The following SCN11A variants were observed in gnomAD, a reference collection of about 807,000 sequenced individuals.
SCN11A encodes sodium channel protein type 11 subunit alpha.
In SCN11A, 122 loss-of-function variants were observed where a neutral mutation model predicts 162.2. The ratio of observed to expected loss-of-function variants is 0.75; its 90% CI spans 0.65 to 0.87. The LOEUF (loss-of-function observed/expected upper bound fraction) is 0.87. Among genes scored for constraint, SCN11A ranks in the 40% least tolerant of loss-of-function variants. The pLI is 0.00. For missense variants in SCN11A, 2,015 were observed against 2,181.6 expected (o/e 0.92, Z 1.52); for synonymous variants, 758 against 751.5 (o/e 1.01, Z -0.14).
rs374632143 is a variant in SCN11A, at chr3:38,886,220, C to T, written c.2854G>A (p.Glu952Lys). ...CTCTGGCTCGTGGGCTTCTTGTTCTCCTGATGGAGCTCATAGGCCTAACAC... is the reference window on the plus strand; with the variant it reads ...CTCTGGCTCGTGGGCTTCTTGTTCTTCTGATGGAGCTCATAGGCCTAACAC... The part of the protein sequence containing the change: ...PEQQAYELHQ[E>K]NKKPTSQRVQ... Residue 952 changes from glutamate (E) to lysine (K), a missense_variant, in exon 20 of 30, where the codon GAG (glutamate) becomes AAG (lysine). Coordinates refer to ENST00000302328, the MANE Select transcript of SCN11A (RefSeq NM_001349253.2). The T allele has an allele frequency of 2.5e-6, 4 of 1,612,166 alleles. No homozygotes were observed. The highest frequency in any genetic ancestry group is 2.0e-4 in the Middle Eastern group (1 of 5,090).
intron 3 of SCN11A, among the ~76,000 whole-genome samples, chr3:38,954,101 G>C (rs1259995321): frequency 6.6e-6 from 1 of 152,190 alleles, no homozygotes; most frequent in Non-Finnish European, 1.5e-5. Context: ...CCATATGTCA[G>C]CTGAAACTGA....
chr3:38,861,091 CCAA>C (rs1402119779), intron 28 of SCN11A, among the ~76,000 whole-genome samples: 2 of 152,000 alleles, frequency 1.3e-5, no homozygotes, highest in African/African-American at 4.8e-5. Flanking sequence ...CTGCTATACA[CCAA>C]CAACAACCAA....
intron 22 of SCN11A, among the ~76,000 whole-genome samples, chr3:38,882,343 G>A (rs921893928): frequency 2.6e-5 from 4 of 152,108 alleles, no homozygotes; most frequent in Admixed American, 6.5e-5. Context: ...ACTGTGAAAT[G>A]TTCTGTCACT....
intron 10 of SCN11A, among the ~76,000 whole-genome samples, chr3:38,920,470 A>C (rs1297647289): frequency 6.6e-6 from 1 of 152,168 alleles, no homozygotes; most frequent in Non-Finnish European, 1.5e-5. Context: ...AGGTGGGCAG[A>C]TCACGAGGTC....
intron 21 of SCN11A, among the ~76,000 whole-genome samples, chr3:38,885,067 T>C (rs2065372322): frequency 6.6e-6 from 1 of 152,204 alleles, no homozygotes; most frequent in Non-Finnish European, 1.5e-5. Flanking sequence ...TTACCTGGCA[T>C]TTTGGGCCAT....
intron 1 of SCN11A, among the ~76,000 whole-genome samples, chr3:39,041,454 AG>A (rs549271563): frequency 7.8e-4 from 119 of 152,334 alleles, no homozygotes; most frequent in African/African-American, 2.8e-3. Context: ...TAAAACAGCA[AG>A]AAAAAAATGT....
chr3:38,855,279 G>C (rs539755142), intron 28 of SCN11A, among the ~76,000 whole-genome samples: 2 of 152,260 alleles, frequency 1.3e-5, no homozygotes, highest in African/African-American at 4.8e-5. Context: ...GATCTATACT[G>C]CACAGCAGAG....
intron 2 of SCN11A, among the ~76,000 whole-genome samples, chr3:39,023,236 T>C (rs2031500075): frequency 6.6e-6 from 1 of 152,186 alleles, no homozygotes; most frequent in Admixed American, 6.5e-5. Context: ...TGGTGGACCA[T>C]GTGGGCTCAT....
At chr3:38,978,316 T>C (rs2066861530) in intron 2 of SCN11A, among the ~76,000 whole-genome samples, 1 of 152,236 alleles carries the variant, frequency 6.6e-6, no homozygotes, top group African/African-American at 2.4e-5. Context: ...ATATATTCTT[T>C]TTAAAATCTG....
Position 38,899,908 on chromosome 3 carries a change from G to A in SCN11A, c.2008C>T (p.Arg670Cys), listed in dbSNP as rs760681852. 1.2e-5 allele frequency: 20 copies of A among 1,613,446 alleles called. No homozygotes were observed. Among genetic ancestry groups the A allele is most frequent in the East Asian group, 6.7e-5 (3 of 44,878 alleles). The change falls in exon 17 of 30, where the codon CGT becomes TGT. Residue 670 changes from arginine to cysteine, a missense_variant. Physicochemically the swap from Arg to Cys is radical, Grantham distance 180. Coordinates refer to ENST00000302328, the MANE Select transcript of SCN11A (RefSeq NM_001349253.2). ...VLQKRSWPFLRSFRVLRVFKL... is the reference protein window; with the variant it reads ...VLQKRSWPFLCSFRVLRVFKL... ...AAGTGCCTTACCACTCTGAAGGAACGCAAGAATGGCCAGCTTCTCTTTTGA... is the reference window on the plus strand; with the variant it reads ...AAGTGCCTTACCACTCTGAAGGAACACAAGAATGGCCAGCTTCTCTTTTGA...
chr3:38,853,996 A>T (rs1415045918), intron 28 of SCN11A, among the ~76,000 whole-genome samples: 1 of 152,210 alleles, frequency 6.6e-6, no homozygotes, highest in African/African-American at 2.4e-5. Flanking sequence ...GAGCACAGGG[A>T]TCAGCAAACC....
intron 5 of SCN11A, among the ~76,000 whole-genome samples, chr3:38,948,096 C>T (rs1195166065): frequency 2.6e-5 from 4 of 152,166 alleles, no homozygotes; most frequent in Non-Finnish European, 5.9e-5. Flanking sequence ...GAAAACTGTG[C>T]TAGGGTATTT....
intron 2 of SCN11A, among the ~76,000 whole-genome samples, chr3:38,969,163 C>T (rs1472665746): frequency 6.6e-6 from 1 of 152,166 alleles, no homozygotes; most frequent in African/African-American, 2.4e-5. Flanking sequence ...GGCATGCTGC[C>T]AGACTGAGGC....
At chr3:39,009,834 G>A (rs920758503) in intron 2 of SCN11A, among the ~76,000 whole-genome samples, 13 of 138,642 alleles carry the variant, frequency 9.4e-5, no homozygotes, top group East Asian at 2.1e-4. Context: ...GCATCATCAC[G>A]CTCAGCTAAT....
intron 2 of SCN11A, among the ~76,000 whole-genome samples, chr3:39,013,826 C>T (rs883565): frequency 0.29 from 43,863 of 152,148 alleles, 6,619 homozygotes; most frequent in African/African-American, 0.36. Context: ...GCAGGTCTGG[C>T]TGTATCTTCT....
chr3:38,875,154 A>G (rs1357923703), intron 23 of SCN11A, among the ~76,000 whole-genome samples: 1 of 152,194 alleles, frequency 6.6e-6, no homozygotes, highest in Admixed American at 6.6e-5. Flanking sequence ...GATTCACACC[A>G]CAGTCTGCAT....
Position 38,846,455 on chromosome 3 carries a change from T to A in SCN11A, c.*239A>T. 1.9e-6 allele frequency: 1 copy of A among 518,828 alleles called. No individual in the cohort carries two copies. The highest frequency in any genetic ancestry group is 3.4e-6 in the Non-Finnish European group (1 of 290,286). 32.1% of individuals were successfully genotyped at this position (518,828 alleles called of 1,614,324 possible). ...AAATTGGTATGTCCTTTTACAGTCC[T>A]TCCTGGTGTCTTCTTCCTTATTATA... On this transcript the variant is annotated 3_prime_UTR_variant, in exon 30 of 30. Transcript: ENST00000302328.
At position 38,907,342 on chromosome 3, in the gene SCN11A, G is replaced by GTGTGTGTGTA. The variant is rs1259248976; in HGVS notation, c.1473+606_1473+607insTACACACACA. 1.3e-4 allele frequency among the ~76,000 whole-genome samples: 4 copies of GTGTGTGTGTA among 31,762 alleles called. No homozygotes were observed. The Admixed American group carries it at 1.7e-3, about 14-fold the overall frequency. 20.8% of individuals were successfully genotyped at this position (31,762 alleles called of 152,430 possible). A position where few individuals can be genotyped will look rare whatever the true frequency, so the allele number is the denominator to read the frequency against. ...TGTGTGTGTGTGTGTGTGTGTGTGTGTATATATCTATATATACACACACAC... is the reference window on the plus strand; with the variant it reads ...TGTGTGTGTGTGTGTGTGTGTGTGTGTGTGTGTGTATATATATCTATATATACACACACAC... On this transcript the variant is annotated intron_variant, in intron 14 of 29. Transcript: ENST00000302328.
chr3:38,934,098 C>G (rs2066289352), intron 7 of SCN11A, among the ~76,000 whole-genome samples: 1 of 152,180 alleles, frequency 6.6e-6, no homozygotes, highest in South Asian at 2.1e-4. Context: ...GAATTTTCAA[C>G]CCAGAATTTC....
Sources: allele counts gnomAD v4.1 joint callset (sites outside exome capture counted in the v4.1 genomes callset), GRCh38; gene constraint gnomAD v4.1.1; transcripts MANE v1.5; gene names NCBI Gene and HGNC (gene_info 2026-07-23, HGNC 2026-07-21).